Variants in MAPK6 observed in about 807,000 individuals in gnomAD.
The protein encoded by MAPK6 is mitogen-activated protein kinase 6.
A neutral mutation model predicts 59.3 loss-of-function variants in MAPK6; 19 were observed. The ratio of observed to expected loss-of-function variants is 0.32; its 90% CI spans 0.22 to 0.47. The LOEUF is 0.47. Among genes scored for constraint, MAPK6 ranks in the 20% least tolerant of loss-of-function variants. The pLI, the probability that MAPK6 is intolerant of heterozygous loss-of-function variation, is 1.00. For synonymous variants in MAPK6, 316 were observed against 290.3 expected (o/e 1.09, Z -0.90); for missense variants, 724 against 847.9 (o/e 0.85, Z 1.81).
intron 1 of MAPK6, among the ~76,000 whole-genome samples, chr15:52,038,017 G>A (rs890206215): frequency 3.3e-5 from 5 of 152,094 alleles, no homozygotes; most frequent in Admixed American, 6.6e-5. Context: ...AGATTAGGTT[G>A]GGGGAGGATG....
upstream of MAPK6, among the ~76,000 whole-genome samples, chr15:52,016,030 T>C (rs556708590): frequency 7.1e-6 from 1 of 140,824 alleles, no homozygotes; most frequent in East Asian, 2.2e-4. Flanking sequence ...CACTCCAGCC[T>C]GGGCCACAGA....
At chr15:52,006,067 T>G (rs2057257825) in intron 3 of MAPK6, among the ~76,000 whole-genome samples, 1 of 152,214 alleles carries the variant, frequency 6.6e-6, no homozygotes, top group African/African-American at 2.4e-5. Context: ...TGAATTGGAA[T>G]AATGCATTTA....
At chr15:51,987,762 CTTT>C (rs775968493) in intron 2 of MAPK6, among the ~76,000 whole-genome samples, 1 of 125,484 alleles carries the variant, frequency 8.0e-6, no homozygotes, top group African/African-American at 3.4e-5. Flanking sequence ...GCTCATAGTA[CTTT>C]TTTTTTTTTT....
In MAPK6 at chr15:52,035,987, T is replaced by C. The variant is rs772588602; in HGVS notation, c.-631-9843T>C. ...AGTTTATAGAGTGAGGCTTGGTATC[T>C]TGCAACTTTGAGCATTCTAGTCAGA... On this transcript the variant is annotated intron_variant, in intron 1 of 5. Transcript: ENST00000261845. Among the ~76,000 whole-genome samples the C allele has an allele frequency of 7.9e-5, 12 of 152,318 alleles. 1 individual carries two copies. The highest frequency in any genetic ancestry group is 1.6e-4 in the Non-Finnish European group (11 of 68,024).
At chr15:52,000,724 C>G (rs1202504800) in intron 2 of MAPK6, among the ~76,000 whole-genome samples, 4 of 151,530 alleles carry the variant, frequency 2.6e-5, no homozygotes, top group Admixed American at 1.3e-4. Flanking sequence ...GGGAATCTCC[C>G]AGAAGGCGGA....
chr15:52,019,200 C>G (rs1276611056), upstream of MAPK6: 1 of 152,014 alleles, frequency 6.6e-6, no homozygotes. Context: ...GGGCGTGGCA[C>G]CGCGAAGCCC....
intron 1 of MAPK6, among the ~76,000 whole-genome samples, chr15:51,980,156 G>A (rs559334353): frequency 5.3e-5 from 8 of 151,390 alleles, no homozygotes; most frequent in East Asian, 1.9e-4. Context: ...TTAGCCGGGC[G>A]TGGTGGCGGG....
At position 52,066,615 on chromosome 15, in the gene MAPK6, T is replaced by C. The variant is rs1423368219; in HGVS notation, c.*1615T>C. ...TTGTACAACACCAATTCTATTAATA[T>C]CTGCCCACCTACCTTCTCAACAACT... On this transcript the variant is annotated 3_prime_UTR_variant, in exon 6 of 6. Coordinates refer to ENST00000261845, the MANE Select transcript of MAPK6 (RefSeq NM_002748.4). The C allele has an allele frequency of 6.8e-6, 1 of 146,824 alleles. No homozygotes were observed. Among genetic ancestry groups the C allele is most frequent in the African/African-American group, 2.5e-5 (1 of 40,398 alleles). 9.1% of individuals were successfully genotyped at this position (146,824 alleles called of 1,614,324 possible). A position where few individuals can be genotyped will look rare whatever the true frequency, so the allele number is the denominator to read the frequency against.
At chr15:52,060,307 C>T (rs547669741) in intron 4 of MAPK6, among the ~76,000 whole-genome samples, 2 of 152,088 alleles carry the variant, frequency 1.3e-5, no homozygotes, top group Admixed American at 1.3e-4. Flanking sequence ...GAGAGAAAGG[C>T]CATCTTTCTC....
At chr15:52,023,665 G>A (rs1411069808) in intron 1 of MAPK6, among the ~76,000 whole-genome samples, 4 of 152,322 alleles carry the variant, frequency 2.6e-5, no homozygotes, top group African/African-American at 9.6e-5. Flanking sequence ...AGGCTGGAGC[G>A]CAGTCGCGCC....
intron 1 of MAPK6, among the ~76,000 whole-genome samples, chr15:52,039,963 C>T (rs1292591413): frequency 6.6e-6 from 1 of 152,174 alleles, no homozygotes; most frequent in East Asian, 1.9e-4. Context: ...TTCCCAGGTT[C>T]CTAAGATTAT....
At chr15:52,028,639 T>G (rs556637559) in intron 1 of MAPK6, among the ~76,000 whole-genome samples, 2 of 152,348 alleles carry the variant, frequency 1.3e-5, no homozygotes, top group East Asian at 3.9e-4. Context: ...GGCTGCTCTA[T>G]TGGACAGTGC....
rs1335963855 is a variant in MAPK6, at chr15:51,980,306, G to GA, written c.-879-2891dup. The stretch of plus-strand genomic sequence containing the variant: ...ACAAAACTGTCTTAAAAAAAAAAAA[G>GA]AAAAAAAAATGTGGATACCAAAATG... On this transcript the variant is annotated intron_variant, in intron 1 of 7. Coordinates refer to the MAPK6 transcript ENST00000691380. Among the ~76,000 whole-genome samples, 18 of 143,664 alleles carry GA rather than the reference G, an allele frequency of 1.3e-4. 1 individual carries two copies. Among genetic ancestry groups the GA allele is most frequent in the East Asian group, 2.0e-4 (1 of 4,950 alleles). 94.2% of individuals were successfully genotyped at this position (143,664 alleles called of 152,430 possible). A position where few individuals can be genotyped will look rare whatever the true frequency, so the allele number is the denominator to read the frequency against.
At chr15:51,974,018 A>T (rs1434720411) in intron 1 of MAPK6, among the ~76,000 whole-genome samples, 3 of 151,914 alleles carry the variant, frequency 2.0e-5, no homozygotes, top group African/African-American at 7.2e-5. Flanking sequence ...TAAAGGATAT[A>T]ATACATGAGA....
At chr15:52,059,650 T>C (rs953851462) in intron 4 of MAPK6, among the ~76,000 whole-genome samples, 1 of 152,232 alleles carries the variant, frequency 6.6e-6, no homozygotes, top group African/African-American at 2.4e-5. Flanking sequence ...TATTTGAATC[T>C]TTTTCGTACC....
At chr15:51,986,488 T>C (rs188949705) in intron 2 of MAPK6, among the ~76,000 whole-genome samples, 184 of 152,272 alleles carry the variant, frequency 1.2e-3, no homozygotes, top group African/African-American at 4.1e-3. Context: ...TTTGGGTGAT[T>C]TTTATTTTTT....
At chr15:51,977,653 C>G in intron 1 of MAPK6, among the ~76,000 whole-genome samples, 1 of 151,842 alleles carries the variant, frequency 6.6e-6, no homozygotes, top group Non-Finnish European at 1.5e-5. Context: ...CCTCCCACCT[C>G]GGCCTCCTGA....
rs1339215784 is a variant in MAPK6, at chr15:52,064,992, C to G, written c.2158C>G (p.Leu720Val). 1 of 1,605,134 alleles carries G rather than the reference C, an allele frequency of 6.2e-7. No homozygotes were observed. The highest frequency in any genetic ancestry group is 2.3e-4 in the Middle Eastern group (1 of 4,402). Residue 720 changes from leucine to valine, a missense_variant, in exon 6 of 6, where the codon CTG becomes GTG. Leu to Val is a conservative substitution (Grantham distance 32). Transcript: ENST00000261845. ...AACATACAGCAGCATTCTGAAACAT[C>G]TGAACTAAAACACTCAGCAGACATT... ...HQTYSSILKHLN is the reference protein window; with the variant it reads ...HQTYSSILKHVN
At chr15:52,043,588 C>T (rs145680105) in intron 1 of MAPK6, among the ~76,000 whole-genome samples, 11 of 150,920 alleles carry the variant, frequency 7.3e-5, no homozygotes, top group East Asian at 4.0e-4. Context: ...TGAGCCACCG[C>T]GCCTGGCCAC....
Sources: gnomAD v4.1 joint callset for allele counts (sites outside exome capture counted in the v4.1 genomes callset) on GRCh38, gnomAD v4.1.1 for gene constraint, MANE v1.5 for transcripts, NCBI Gene and HGNC (gene_info 2026-07-23, HGNC 2026-07-21) for gene names.